THBS4: variants seen among roughly 807,000 people sequenced by gnomAD.
The protein encoded by THBS4 is thrombospondin 4.
In THBS4, 90 loss-of-function variants were observed where a neutral mutation model predicts 115.7. The observed-to-expected ratio is 0.78, with a 90% CI of 0.66 to 0.93. The LOEUF (loss-of-function observed/expected upper bound fraction) is 0.93, where lower values mean the gene tolerates loss of function less well. THBS4 is among the 40% of genes least tolerant of loss of function. THBS4 has a pLI of 0.00. For missense variants in THBS4, 1,087 were observed against 1,232.7 expected, an observed-to-expected ratio of 0.88 and a Z score of 1.77; for synonymous variants, 460 against 479.3, an observed-to-expected ratio of 0.96 and a Z score of 0.53.
rs778214440 is a variant in THBS4 at position 80,082,499 on chromosome 5, C to T, written c.2778C>T (p.Phe926=). The T allele has an allele frequency of 2.5e-6, 4 of 1,614,112 alleles. No individual in the cohort carries two copies. In the African/African-American group the frequency reaches 5.3e-5, roughly 22 times the overall value. ...MRGGRLGVFC[F]SQENIIWSNL... ...GAGGCCGACTTGGCGTTTTCTGCTT[C>T]TCTCAAGAAAACATCATCTGGTCCA... The change falls in exon 21 of 22, where the codon TTC becomes TTT. Residue 926 remains phenylalanine, a synonymous_variant. Transcript: ENST00000350881.
chr5:80,020,205 G>A (rs1832335295), intron 2 of THBS4, among the ~76,000 whole-genome samples: 2 of 152,200 alleles, frequency 1.3e-5, no homozygotes, highest in African/African-American at 4.8e-5. Flanking sequence ...CGGGCGCAGT[G>A]GCTCACGCCT....
At chr5:80,070,476 G>T in intron 11 of THBS4, 66 bp downstream of exon 11, 4 of 1,501,398 alleles carry the variant, frequency 2.7e-6, no homozygotes, top group Non-Finnish European at 3.7e-6. Flanking sequence ...ATCTTCTATG[G>T]GGAGAGGTTC....
chr5:80,046,938 A>G (rs1051039358), intron 2 of THBS4, among the ~76,000 whole-genome samples: 1 of 152,246 alleles, frequency 6.6e-6, no homozygotes, highest in African/African-American at 2.4e-5. Context: ...AAGTCCTACC[A>G]GATAATACAA....
intron 9 of THBS4, chr5:80,067,351 T>A (rs1045408369): frequency 7.9e-5 from 12 of 151,800 alleles, no homozygotes; most frequent in Admixed American, 7.9e-4. Flanking sequence ...TTTTTAAACA[T>A]ATTGTATAAT....
At chr5:80,079,028 T>G in intron 18 of THBS4, 34 bp from the exon 19 acceptor site, 1 of 1,612,666 alleles carries the variant, frequency 6.2e-7, no homozygotes. Context: ...TAGTGTGGTT[T>G]GTCTATTGTT....
chr5:80,054,612 C>T lies in THBS4; in HGVS notation c.293-1173C>T, dbSNP rs543701343. 3.3e-5 allele frequency among the ~76,000 whole-genome samples: 5 copies of T among 152,260 alleles called. No individual in the cohort carries two copies. The East Asian group carries it at 5.8e-4, about 18-fold the overall frequency. ...GGGATTACAGGCGTGAGCCACTGCG[C>T]CCAGCCTGGCCAATTTTTTTAAATT... On this transcript the variant is annotated intron_variant, in intron 2 of 21. Coordinates refer to ENST00000350881, the MANE Select transcript of THBS4 (RefSeq NM_003248.6).
intron 2 of THBS4, among the ~76,000 whole-genome samples, chr5:80,012,540 T>A (rs1312131038): frequency 6.6e-6 from 1 of 152,154 alleles, no homozygotes; most frequent in Non-Finnish European, 1.5e-5. Flanking sequence ...CCTAGAGGTG[T>A]CCTTGGTCTC....
In THBS4 at chr5:80,041,759, T is replaced by A. The variant is rs17881955; in HGVS notation, c.292+1479T>A. The stretch of plus-strand genomic sequence containing the variant: ...ACACCTGTTCCTGTTTATTAAGGAA[T>A]GTGACAGATGCGTGTTCCTGCTGCT... On this transcript the variant is annotated intron_variant, in intron 2 of 21. Coordinates refer to ENST00000350881, the MANE Select transcript of THBS4 (RefSeq NM_003248.6). Among the ~76,000 whole-genome samples, 837 of 152,326 alleles carry A rather than the reference T, an allele frequency of 5.5e-3. 9 individuals carry two copies. The highest frequency in any genetic ancestry group is 0.019 in the African/African-American group (806 of 41,560).
At chr5:80,046,134 TA>T (rs1453168236) in intron 2 of THBS4, among the ~76,000 whole-genome samples, 1 of 152,202 alleles carries the variant, frequency 6.6e-6, no homozygotes, top group African/African-American at 2.4e-5. Context: ...CTGGAATAGG[TA>T]ATGGGAGATT....
chr5:80,076,888 C>G lies in THBS4; in HGVS notation c.1926C>G (p.Asn642Lys). 2 of 1,607,864 alleles carry G rather than the reference C, an allele frequency of 1.2e-6. No homozygotes were observed. Among genetic ancestry groups the G allele is most frequent in the South Asian group, 1.1e-5 (1 of 89,778 alleles). ...ATGGGCACCAGGACAGCACAGACAA[C>G]TGCCCCACCGTCATTAACAGTGCCC... ...DGDGHQDSTDNCPTVINSAQL... is the reference protein window; with the variant it reads ...DGDGHQDSTDKCPTVINSAQL... Residue 642 changes from asparagine to lysine, a missense_variant, in exon 16 of 22, where the codon AAC becomes AAG. Coordinates refer to ENST00000350881, the MANE Select transcript of THBS4 (RefSeq NM_003248.6).
rs534778198 is a variant in THBS4, at chr5:80,055,808, G to A, written c.316G>A (p.Asp106Asn). ...AGCCATCCTCCGTTACCTGAAGAAC[G>A]ATGGGAAGGTGCATTTGGTGGTTTT... ...NKAILRYLKNDGKVHLVVFNN... is the reference protein window; with the variant it reads ...NKAILRYLKNNGKVHLVVFNN... Residue 106 changes from aspartate to asparagine, a missense_variant, in exon 3 of 22, where the codon GAT (aspartate) becomes AAT (asparagine). Transcript: ENST00000350881. 1.2e-6 allele frequency: 2 copies of A among 1,613,732 alleles called. No individual in the cohort carries two copies. The highest frequency in any genetic ancestry group is 1.3e-5 in the African/African-American group (1 of 75,034).
At chr5:80,072,464 G>T (rs1298397875) in intron 14 of THBS4, 68 bp downstream of exon 14, 56 of 1,425,636 alleles carry the variant, frequency 3.9e-5, no homozygotes, top group Non-Finnish European at 5.3e-5. Flanking sequence ...ATTTAAGACG[G>T]GTGTCTAGAA....
chr5:80,019,345 C>T (rs1832314889), intron 2 of THBS4, among the ~76,000 whole-genome samples: 1 of 152,026 alleles, frequency 6.6e-6, no homozygotes. Context: ...ATGAACAGCC[C>T]AATGCAAGGC....
intron 16 of THBS4, 140 bp from the exon 17 acceptor site, chr5:80,077,909 C>A (rs1743293344): frequency 1.4e-6 from 1 of 728,576 alleles, no homozygotes; most frequent in Admixed American, 3.4e-5. Context: ...CAGGGCTCCT[C>A]TCCCAACACT....
intron 2 of THBS4, among the ~76,000 whole-genome samples, chr5:80,006,402 C>T (rs1832020319): frequency 6.6e-6 from 1 of 152,224 alleles, no homozygotes; most frequent in South Asian, 2.1e-4. Context: ...GTCATTCTCT[C>T]TTTGCCTGCT....
intron 1 of THBS4, among the ~76,000 whole-genome samples, chr5:79,993,815 G>GT (rs1398573516): frequency 6.6e-6 from 1 of 152,292 alleles, no homozygotes; most frequent in East Asian, 1.9e-4. Context: ...TGAAAGGTTT[G>GT]TGACAAATGA....
chr5:80,009,975 C>G (rs1417443805), intron 2 of THBS4, among the ~76,000 whole-genome samples: 2 of 151,990 alleles, frequency 1.3e-5, no homozygotes, highest in Non-Finnish European at 2.9e-5. Flanking sequence ...TCTACCCACA[C>G]CCTACCCCCT....
intron 2 of THBS4, among the ~76,000 whole-genome samples, chr5:80,029,102 C>T (rs957386330): frequency 6.4e-4 from 97 of 152,266 alleles, no homozygotes; most frequent in African/African-American, 2.1e-3. Flanking sequence ...AGATGAACTT[C>T]AGCCCAAATA....
At chr5:80,071,386 T>G (rs1421103206) in intron 13 of THBS4, among the ~76,000 whole-genome samples, 1 of 152,134 alleles carries the variant, frequency 6.6e-6, no homozygotes, top group Non-Finnish European at 1.5e-5. Flanking sequence ...GCTCTGGATG[T>G]TTCCAGGACT....
Sources: allele counts gnomAD v4.1 joint callset (sites outside exome capture counted in the v4.1 genomes callset), GRCh38; gene constraint gnomAD v4.1.1; transcripts MANE v1.5; gene names NCBI Gene and HGNC (gene_info 2026-07-23, HGNC 2026-07-21).